Variants in GBE1 observed in about 807,000 individuals in gnomAD.
GBE1 encodes 1,4-alpha-glucan branching enzyme 1.
Under a neutral mutation model 88.8 loss-of-function variants are expected in GBE1, and 70 were observed. The ratio of observed to expected loss-of-function variants is 0.79; its 90% CI spans 0.65 to 0.96. GBE1 has a LOEUF of 0.96. Among genes scored for constraint, GBE1 ranks in the 40% least tolerant of loss-of-function variants. GBE1 has a pLI of 0.00. For synonymous variants in GBE1, 284 were observed against 300.1 expected (o/e 0.95, Z 0.56); for missense variants, 872 against 871.0 (o/e 1.00, Z -0.01).
intron 3 of GBE1, among the ~76,000 whole-genome samples, chr3:81,669,820 C>T (rs1705164527): frequency 6.6e-6 from 1 of 152,130 alleles, no homozygotes; most frequent in Non-Finnish European, 1.5e-5. Flanking sequence ...AAACAATATT[C>T]TTCTCTGCTT....
intron 2 of GBE1, among the ~76,000 whole-genome samples, chr3:81,684,616 T>G (rs1313391723): frequency 6.6e-6 from 1 of 152,182 alleles, no homozygotes; most frequent in Non-Finnish European, 1.5e-5. Flanking sequence ...CATTGGAGAT[T>G]AGGGCTCAAC....
intron 12 of GBE1, among the ~76,000 whole-genome samples, chr3:81,570,356 T>C (rs1451203185): frequency 6.6e-6 from 1 of 152,216 alleles, no homozygotes; most frequent in African/African-American, 2.4e-5. Flanking sequence ...AACTGATCTA[T>C]TGGCTCTCAG....
At chr3:81,523,842 T>C (rs116383512) in intron 14 of GBE1, among the ~76,000 whole-genome samples, 2,409 of 151,978 alleles carry the variant, frequency 0.016, 67 homozygotes, top group African/African-American at 0.054. Flanking sequence ...ATTCCTTTTA[T>C]GGCTGAATAG....
At chr3:81,738,039 G>A (rs1392082418) in intron 1 of GBE1, among the ~76,000 whole-genome samples, 3 of 151,820 alleles carry the variant, frequency 2.0e-5, no homozygotes, top group African/African-American at 7.3e-5. Context: ...TACTGAGAAT[G>A]ATGATTTCCA....
intron 3 of GBE1, among the ~76,000 whole-genome samples, chr3:81,670,189 G>A (rs1705170474): frequency 6.6e-6 from 1 of 152,178 alleles, no homozygotes; most frequent in African/African-American, 2.4e-5. Context: ...GACATCCCTT[G>A]ATGAGACAAG....
chr3:81,730,506 A>G (rs965180990), intron 1 of GBE1, among the ~76,000 whole-genome samples: 7 of 152,192 alleles, frequency 4.6e-5, no homozygotes, highest in Non-Finnish European at 1.0e-4. Context: ...TTCTTCCACC[A>G]AGGAACATGA....
intron 2 of GBE1, among the ~76,000 whole-genome samples, chr3:81,700,166 A>G (rs190473387): frequency 1.5e-4 from 23 of 152,326 alleles, no homozygotes; most frequent in African/African-American, 5.5e-4. Flanking sequence ...GTAAGCCATC[A>G]AAATGTTGGA....
intron 1 of GBE1, among the ~76,000 whole-genome samples, chr3:81,725,354 C>G (rs1559699994): frequency 6.6e-6 from 1 of 151,808 alleles, no homozygotes; most frequent in Non-Finnish European, 1.5e-5. Flanking sequence ...TTGGCCTACC[C>G]CGGGTCAGGA....
At chr3:81,600,255 G>A (rs71326478) in intron 7 of GBE1, among the ~76,000 whole-genome samples, 19,556 of 151,906 alleles carry the variant, frequency 0.13, 1,816 homozygotes, top group East Asian at 0.37. Context: ...GTGAGACTCC[G>A]TCTCAAAAAC....
chr3:81,613,918 G>A (rs1421818278), intron 7 of GBE1, among the ~76,000 whole-genome samples: 1 of 147,716 alleles, frequency 6.8e-6, no homozygotes, highest in Non-Finnish European at 1.5e-5. Context: ...AAAACTAAAC[G>A]TGTTCACACA....
At chr3:81,578,294 C>T (rs1377168724) in intron 11 of GBE1, among the ~76,000 whole-genome samples, 198 bp from the exon 12 acceptor site, 3 of 152,024 alleles carry the variant, frequency 2.0e-5, no homozygotes, top group Non-Finnish European at 4.4e-5. Context: ...GACTTCAACA[C>T]ATTTGTTTTC....
intron 14 of GBE1, among the ~76,000 whole-genome samples, chr3:81,532,697 CTAAT>C (rs929792860): frequency 6.6e-5 from 10 of 152,020 alleles, no homozygotes; most frequent in African/African-American, 1.9e-4. Flanking sequence ...AGAAAAAAGA[CTAAT>C]TAATATGGCA....
intron 14 of GBE1, among the ~76,000 whole-genome samples, chr3:81,515,853 T>G (rs1702792058): frequency 6.6e-6 from 1 of 151,606 alleles, no homozygotes. Flanking sequence ...AACATTCCCA[T>G]AAGTCAAAGC....
Position 81,691,292 on chromosome 3 carries a change from G to A in GBE1, c.313+14152C>T, listed in dbSNP as rs560541739. On this transcript the variant is annotated intron_variant, in intron 2 of 15. Coordinates refer to ENST00000429644, the MANE Select transcript of GBE1 (RefSeq NM_000158.4). ...TTTGTGATTCCTCACCCTGTGAAGA[G>A]GAAGAAAAAGGAGAACAAAAATGGA... is the stretch of plus-strand genomic sequence containing the variant. 5.9e-5 allele frequency among the ~76,000 whole-genome samples: 9 copies of A among 152,132 alleles called. No individual in the cohort carries two copies. The East Asian group carries it at 1.5e-3, about 26-fold the overall frequency.
chr3:81,666,325 C>T (rs1375722431), intron 3 of GBE1, among the ~76,000 whole-genome samples: 1 of 152,124 alleles, frequency 6.6e-6, no homozygotes, highest in African/African-American at 2.4e-5. Context: ...ATAAGAAGGG[C>T]TACTTTTCTT....
intron 8 of GBE1, among the ~76,000 whole-genome samples, chr3:81,593,619 T>C: frequency 6.6e-6 from 1 of 152,122 alleles, no homozygotes; most frequent in Non-Finnish European, 1.5e-5. Flanking sequence ...TTTATTTTCA[T>C]TGGAAGTGCT....
At chr3:81,674,344 T>A (rs546813899) in intron 2 of GBE1, among the ~76,000 whole-genome samples, 1 of 152,022 alleles carries the variant, frequency 6.6e-6, no homozygotes, top group African/African-American at 2.4e-5. Context: ...TATCTTAATA[T>A]CCAGAAACAG....
intron 7 of GBE1, among the ~76,000 whole-genome samples, chr3:81,618,106 T>C (rs572355958): frequency 6.6e-6 from 1 of 152,144 alleles, no homozygotes; most frequent in Non-Finnish European, 1.5e-5. Flanking sequence ...TTTTACTCTT[T>C]CCATTTTTTC....
chr3:81,521,143 C>T (rs1246852444), intron 14 of GBE1, among the ~76,000 whole-genome samples: 2 of 151,412 alleles, frequency 1.3e-5, no homozygotes, highest in African/African-American at 2.4e-5. Flanking sequence ...TGATGTCTTG[C>T]TATTTGATAT....
Sources: allele counts gnomAD v4.1 joint callset (sites outside exome capture counted in the v4.1 genomes callset), GRCh38; gene constraint gnomAD v4.1.1; transcripts MANE v1.5; gene names NCBI Gene and HGNC (gene_info 2026-07-23, HGNC 2026-07-21).